Variants in CWC27 observed in about 807,000 individuals in gnomAD.
CWC27 encodes the protein spliceosome-associated protein CWC27 homolog.
A neutral mutation model predicts 63.6 loss-of-function variants in CWC27; 47 were observed. The ratio of observed to expected loss-of-function variants is 0.74; its 90% CI spans 0.58 to 0.94. CWC27 has a LOEUF of 0.94. Ranked by LOEUF, CWC27 falls within the 40% of genes least tolerant of loss-of-function variation. CWC27 has a pLI of 0.00. For missense variants in CWC27, 495 were observed against 554.3 expected (o/e 0.89, Z 1.07); for synonymous variants, 175 against 179.8 (o/e 0.97, Z 0.22).
intron 13 of CWC27, among the ~76,000 whole-genome samples, chr5:64,992,528 C>G (rs997381268): frequency 6.8e-6 from 1 of 147,108 alleles, no homozygotes; most frequent in Non-Finnish European, 1.5e-5. Flanking sequence ...GGAATACTTT[C>G]TACACTTTTT....
At chr5:64,800,199 G>T (rs756524519) in intron 7 of CWC27, 49 bp from the exon 8 acceptor site, 2 of 1,221,662 alleles carry the variant, frequency 1.6e-6, no homozygotes, top group African/African-American at 1.6e-5. Flanking sequence ...TGTTATTTAG[G>T]AATACTGTTT....
intron 10 of CWC27, among the ~76,000 whole-genome samples, chr5:64,819,142 A>G (rs990989444): frequency 1.3e-5 from 2 of 152,192 alleles, no homozygotes; most frequent in African/African-American, 2.4e-5. Context: ...GCAGAAGACA[A>G]TGGTCACTTG....
intron 10 of CWC27, among the ~76,000 whole-genome samples, chr5:64,862,359 C>A (rs1383793791): frequency 7.5e-6 from 1 of 132,810 alleles, no homozygotes; most frequent in African/African-American, 3.0e-5. Flanking sequence ...ATATAATATA[C>A]CCTTCCTCAA....
rs148694869 is a variant in CWC27 at position 64,948,443 on chromosome 5, C to A, written c.1043-23260C>A. On this transcript the variant is annotated intron_variant, in intron 11 of 13. Transcript: ENST00000381070. ...AGTTTTATCTAGTAGATGTACTAAC[C>A]GTATATATATGTAGAGCTTAGATGA... Among the ~76,000 whole-genome samples the A allele has an allele frequency of 6.2e-3, 943 of 151,018 alleles. 8 individuals carry two copies. Among genetic ancestry groups the A allele is most frequent in the South Asian group, 9.2e-3 (44 of 4,784 alleles).
intron 10 of CWC27, among the ~76,000 whole-genome samples, chr5:64,874,762 T>G (rs1746757098): frequency 6.6e-6 from 1 of 152,010 alleles, no homozygotes; most frequent in Admixed American, 6.6e-5. Flanking sequence ...GCCCTTGATT[T>G]CTAGTGAGCT....
intron 13 of CWC27, among the ~76,000 whole-genome samples, chr5:65,004,909 T>TACAC (rs61613608): frequency 0.074 from 4,782 of 64,646 alleles, 398 homozygotes; most frequent in East Asian, 0.31. Flanking sequence ...TATATATACA[T>TACAC]ACACACACAC....
At chr5:64,900,746 C>G (rs1315840831) in intron 11 of CWC27, among the ~76,000 whole-genome samples, 2 of 152,052 alleles carry the variant, frequency 1.3e-5, no homozygotes, top group Admixed American at 1.3e-4. Flanking sequence ...TCACATATCC[C>G]TTAACAATGG....
chr5:64,960,818 G>A (rs1326519162), intron 11 of CWC27, among the ~76,000 whole-genome samples: 1 of 151,244 alleles, frequency 6.6e-6, no homozygotes, highest in Non-Finnish European at 1.5e-5. Context: ...TCGCTATGTT[G>A]TTCAGGCTGG....
At chr5:64,788,847 ATTTC>A (rs984993515) in intron 6 of CWC27, 100 bp from the exon 7 acceptor site, 1 of 718,554 alleles carries the variant, frequency 1.4e-6, no homozygotes, top group Admixed American at 2.8e-5. Flanking sequence ...GTCAGAATGT[ATTTC>A]TTCTTGTAAA....
chr5:64,787,050 T>C (rs1003799473), intron 6 of CWC27, among the ~76,000 whole-genome samples: 2 of 152,172 alleles, frequency 1.3e-5, no homozygotes, highest in Admixed American at 1.3e-4. Flanking sequence ...CAAACACTTA[T>C]AAAACCATCA....
At chr5:64,870,710 A>G (rs865991328) in intron 10 of CWC27, among the ~76,000 whole-genome samples, 1 of 152,088 alleles carries the variant, frequency 6.6e-6, no homozygotes, top group Non-Finnish European at 1.5e-5. Flanking sequence ...TTTTCTTTAT[A>G]ACCAGAATTA....
At chr5:64,890,181 G>A (rs1747194862) in intron 11 of CWC27, among the ~76,000 whole-genome samples, 1 of 152,062 alleles carries the variant, frequency 6.6e-6, no homozygotes, top group South Asian at 2.1e-4. Context: ...AGAGGAGAAG[G>A]GTCAGGCTGA....
intron 11 of CWC27, among the ~76,000 whole-genome samples, chr5:64,962,496 G>A (rs753181020): frequency 6.6e-6 from 1 of 152,100 alleles, no homozygotes; most frequent in Non-Finnish European, 1.5e-5. Flanking sequence ...GGTTAGAGAG[G>A]TAGGAACTAA....
intron 10 of CWC27, among the ~76,000 whole-genome samples, chr5:64,870,277 T>A (rs2112323804): frequency 6.6e-6 from 1 of 152,202 alleles, no homozygotes; most frequent in South Asian, 2.1e-4. Context: ...GTCATTGTAG[T>A]TATAGATGTG....
intron 5 of CWC27, among the ~76,000 whole-genome samples, chr5:64,786,137 C>A (rs953477145): frequency 2.7e-4 from 40 of 148,090 alleles, no homozygotes; most frequent in Admixed American, 1.4e-3. Flanking sequence ...TGCACTCCAG[C>A]CTGGGCGACA....
chr5:64,910,377 G>T (rs1747758544), intron 11 of CWC27, among the ~76,000 whole-genome samples: 3 of 152,204 alleles, frequency 2.0e-5, no homozygotes, highest in African/African-American at 7.2e-5. Context: ...CTACTGGGAG[G>T]TGTCTCTCAG....
intron 11 of CWC27, among the ~76,000 whole-genome samples, chr5:64,964,629 T>C (rs1038910215): frequency 7.2e-5 from 11 of 152,240 alleles, no homozygotes; most frequent in Non-Finnish European, 1.2e-4. Flanking sequence ...ACATCTGCTT[T>C]AATTTTATAG....
intron 7 of CWC27, among the ~76,000 whole-genome samples, chr5:64,793,151 A>T (rs1699852730): frequency 6.6e-6 from 1 of 152,118 alleles, no homozygotes; most frequent in African/African-American, 2.4e-5. Context: ...GTAGGAAGCC[A>T]CAATCTTGAC....
rs150385974 is a variant in CWC27 at position 64,976,112 on chromosome 5, T to G, written c.1153-1023T>G. ...ATAAAAATAAAATTTTTAAATAGCA[T>G]ATTTATTGCTTTTTACTAAATTTAT... On this transcript the variant is annotated intron_variant, in intron 12 of 13. Transcript: ENST00000381070. 4.1e-3 allele frequency among the ~76,000 whole-genome samples: 621 copies of G among 152,284 alleles called. 2 individuals are homozygous for G. The highest frequency in any genetic ancestry group is 0.014 in the African/African-American group (580 of 41,564).
Sources: allele counts gnomAD v4.1 joint callset (sites outside exome capture counted in the v4.1 genomes callset), GRCh38; gene constraint gnomAD v4.1.1; transcripts MANE v1.5; gene names NCBI Gene and HGNC (gene_info 2026-07-23, HGNC 2026-07-21).